NEIL3: variants seen among roughly 807,000 people sequenced by gnomAD.
NEIL3 encodes nei like DNA glycosylase 3.
In NEIL3, 48 loss-of-function variants were observed where a neutral mutation model predicts 57.5. The observed-to-expected ratio is 0.83, with a 90% CI of 0.66 to 1.06. NEIL3 has a LOEUF of 1.06. Ranked by LOEUF, NEIL3 falls within the 50% of genes least tolerant of loss-of-function variation. The pLI is 0.00. For missense variants in NEIL3, 717 were observed against 739.1 expected, an observed-to-expected ratio of 0.97 and a Z score of 0.35; for synonymous variants, 261 against 253.2, an observed-to-expected ratio of 1.03 and a Z score of -0.29.
At chr4:177,345,965 ACAGG>A (rs2110919562) in intron 6 of NEIL3, among the ~76,000 whole-genome samples, 1 of 152,252 alleles carries the variant, frequency 6.6e-6, no homozygotes, top group Non-Finnish European at 1.5e-5. Flanking sequence ...TGACAGGATT[ACAGG>A]CATGAACCAC....
At chr4:177,344,686 C>T (rs1267226315) in intron 6 of NEIL3, among the ~76,000 whole-genome samples, 3 of 151,964 alleles carry the variant, frequency 2.0e-5, no homozygotes, top group Admixed American at 6.6e-5. Context: ...TTCAGCCTCC[C>T]GAGTAGCTGG....
At chr4:177,360,334 GA>G (rs1308662214) in intron 8 of NEIL3, among the ~76,000 whole-genome samples, 168 bp from the exon 9 acceptor site, 2 of 152,170 alleles carry the variant, frequency 1.3e-5, no homozygotes, top group Non-Finnish European at 2.9e-5. Context: ...AATTACCTGG[GA>G]AAACAAAGAA....
rs537163551 is a variant in NEIL3, at chr4:177,352,272, C to A, written c.1039+723C>A. Among the ~76,000 whole-genome samples the A allele has an allele frequency of 4.6e-5, 7 of 152,334 alleles. No individual in the cohort carries two copies. The East Asian group carries it at 1.4e-3, about 29-fold the overall frequency. On this transcript the variant is annotated intron_variant, in intron 7 of 9. Coordinates refer to ENST00000264596, the MANE Select transcript of NEIL3 (RefSeq NM_018248.3). ...TCCTGGGCCAGAAAGGCAGACATCACCCCTTGCACAGCTTTGCTGTGCTGC... is the reference window on the plus strand; with the variant it reads ...TCCTGGGCCAGAAAGGCAGACATCAACCCTTGCACAGCTTTGCTGTGCTGC...
At chr4:177,348,168 C>T (rs1161639943) in intron 6 of NEIL3, among the ~76,000 whole-genome samples, 6 of 152,166 alleles carry the variant, frequency 3.9e-5, no homozygotes, top group African/African-American at 7.2e-5. Flanking sequence ...CACAGATTGC[C>T]GGGCCCCACC....
chr4:177,318,815 T>C (rs1041858743), intron 1 of NEIL3, among the ~76,000 whole-genome samples: 1 of 152,214 alleles, frequency 6.6e-6, no homozygotes, highest in Non-Finnish European at 1.5e-5. Context: ...CTTTTTCTAC[T>C]CTTTTTCCTT....
chr4:177,340,383 T>G (rs1053098436), intron 5 of NEIL3, among the ~76,000 whole-genome samples: 1 of 152,224 alleles, frequency 6.6e-6, no homozygotes, highest in Non-Finnish European at 1.5e-5. Flanking sequence ...CTTGTAAATG[T>G]GGAAAGTTAT....
Position 177,341,488 on chromosome 4 carries a change from G to A in NEIL3, c.715G>A (p.Gly239Arg). 6.3e-7 allele frequency: 1 copy of A among 1,579,110 alleles called. No individual in the cohort carries two copies. Among genetic ancestry groups the A allele is most frequent in the South Asian group, 1.2e-5 (1 of 84,544 alleles). ...TTTTTTTTTTTAGTGCCGTAAAGCAGGACTTGCTCTCTCTAAACACTATAA... is the reference window on the plus strand; with the variant it reads ...TTTTTTTTTTTAGTGCCGTAAAGCAAGACTTGCTCTCTCTAAACACTATAA... Reference protein sequence around the residue: ...SILFYRCRKAGLALSKHYKVY... With the variant: ...SILFYRCRKARLALSKHYKVY... Residue 239 changes from glycine to arginine, a missense_variant, in exon 6 of 10, where the codon GGA (glycine) becomes AGA (arginine). Gly to Arg is a moderately radical substitution (Grantham distance 125). Coordinates refer to ENST00000264596, the MANE Select transcript of NEIL3 (RefSeq NM_018248.3).
Position 177,341,458 on chromosome 4 carries a change from G to GT in NEIL3, c.703-18_703-17insT. On this transcript the variant is annotated splice_polypyrimidine_tract_variant and intron_variant, in intron 5 of 9. Transcript: ENST00000264596. ...TGTTTTGTGGATAACAGAATTTTTTGGTTTTTTTTTTTTTTAGTGCCGTAA... is the reference window on the plus strand; with the variant it reads ...TGTTTTGTGGATAACAGAATTTTTTGTGTTTTTTTTTTTTTTAGTGCCGTAA... The GT allele has an allele frequency of 5.5e-6, 8 of 1,451,834 alleles. No homozygotes were observed. Among genetic ancestry groups the GT allele is most frequent in the South Asian group, 1.3e-5 (1 of 78,032 alleles). 89.9% of individuals were successfully genotyped at this position (1,451,834 alleles called of 1,614,324 possible).
rs1553987707 is a variant in NEIL3, at chr4:177,335,824, T to TTA, written c.413+2_413+3insTA. On this transcript the variant is annotated splice_region_variant and intron_variant, in intron 3 of 9. Transcript: ENST00000264596. ...CTTTGACTCATCAGTAGAACTCAGG[T>TTA]AAAAAAAATTAAATAAAAGTACTTA... The TTA allele has an allele frequency of 6.6e-7, 1 of 1,525,594 alleles. No individual in the cohort carries two copies. The highest frequency in any genetic ancestry group is 2.3e-5 in the East Asian group (1 of 42,862). The allele number at this position is 1,525,594 out of a possible 1,614,324, so 94.5% of individuals were successfully genotyped here.
rs35418725 is a variant in NEIL3, at chr4:177,362,320, A to G, written c.1667A>G (p.His556Arg). ...GATTTGTCCTTCCCATTCTGCAACC[A>G]TGGCAAGCGTTCCACCATGAAAACA... is the stretch of plus-strand genomic sequence containing the variant. ...WADLSFPFCN[H>R]GKRSTMKTVL... Residue 556 changes from histidine to arginine, a missense_variant, in exon 10 of 10, where the codon CAT (histidine) becomes CGT (arginine). By Grantham distance (29) the His-to-Arg change is conservative. Coordinates refer to ENST00000264596, the MANE Select transcript of NEIL3 (RefSeq NM_018248.3). The G allele has an allele frequency of 8.9e-4, 1,423 of 1,607,534 alleles. 6 individuals are homozygous for G. In the African/African-American group the frequency reaches 0.016, roughly 18 times the overall value.
At chr4:177,349,373 C>T (rs1735303679) in intron 6 of NEIL3, among the ~76,000 whole-genome samples, 1 of 152,068 alleles carries the variant, frequency 6.6e-6, no homozygotes, top group African/African-American at 2.4e-5. Flanking sequence ...TGGGGGGAAT[C>T]ATATTCCTTT....
intron 6 of NEIL3, among the ~76,000 whole-genome samples, chr4:177,348,997 A>AGCTG (rs1324342217): frequency 6.9e-6 from 1 of 145,078 alleles, no homozygotes; most frequent in Non-Finnish European, 1.5e-5. Flanking sequence ...CCTCCCGAGT[A>AGCTG]GCTGGGACTA....
At chr4:177,333,261 A>T (rs920837895) in intron 2 of NEIL3, among the ~76,000 whole-genome samples, 1 of 152,116 alleles carries the variant, frequency 6.6e-6, no homozygotes, top group African/African-American at 2.4e-5. Flanking sequence ...TTGCTTAAGG[A>T]TGTTCAGATT....
intron 1 of NEIL3, among the ~76,000 whole-genome samples, chr4:177,319,909 TAA>T (rs762221251): frequency 6.6e-6 from 1 of 152,138 alleles, no homozygotes; most frequent in Non-Finnish European, 1.5e-5. Context: ...TGGAAAAAGA[TAA>T]GAGATTGTTG....
intron 2 of NEIL3, among the ~76,000 whole-genome samples, chr4:177,334,466 T>G (rs549403316): frequency 6.6e-6 from 1 of 152,200 alleles, no homozygotes; most frequent in Non-Finnish European, 1.5e-5. Flanking sequence ...AGATTTTTTA[T>G]GTGGATGTGG....
chr4:177,330,429 A>T (rs1428426869), intron 2 of NEIL3, among the ~76,000 whole-genome samples: 1 of 152,146 alleles, frequency 6.6e-6, no homozygotes, highest in Non-Finnish European at 1.5e-5. Flanking sequence ...CATATAAAAA[A>T]CTAGAAGAAT....
At chr4:177,318,955 G>T (rs894823014) in intron 1 of NEIL3, among the ~76,000 whole-genome samples, 3 of 152,172 alleles carry the variant, frequency 2.0e-5, no homozygotes, top group Admixed American at 1.3e-4. Context: ...GTTTATCCAG[G>T]TAAACAGCCA....
intron 5 of NEIL3, 113 bp from the exon 6 acceptor site, chr4:177,341,363 T>C: frequency 1.3e-6 from 1 of 757,074 alleles, no homozygotes. Context: ...TGTACAAACA[T>C]ATGTAAATTT....
chr4:177,327,026 G>A (rs980189443), intron 2 of NEIL3, among the ~76,000 whole-genome samples: 3 of 151,914 alleles, frequency 2.0e-5, no homozygotes, highest in African/African-American at 7.3e-5. Context: ...GATCATGGGG[G>A]CTGTTTCCCC....
Sources: allele counts gnomAD v4.1 joint callset (sites outside exome capture counted in the v4.1 genomes callset), GRCh38; gene constraint gnomAD v4.1.1; transcripts MANE v1.5; gene names NCBI Gene and HGNC (gene_info 2026-07-23, HGNC 2026-07-21).